The following DNAAF9 variants were observed in gnomAD, a reference collection of about 807,000 sequenced individuals.
DNAAF9 encodes the protein dynein axonemal assembly factor 9.
DNAAF9 carries 90 observed loss-of-function variants against 167.0 expected under a neutral mutation model. The observed-to-expected ratio is 0.54, with a 90% confidence interval of 0.45 to 0.64. DNAAF9 has a LOEUF of 0.64. Ranked by LOEUF, DNAAF9 falls within the 30% of genes least tolerant of loss-of-function variation. The pLI is 0.00. For missense variants in DNAAF9, 1,315 were observed against 1,442.2 expected, an observed-to-expected ratio of 0.91 and a Z score of 1.43; for synonymous variants, 491 against 508.8, an observed-to-expected ratio of 0.96 and a Z score of 0.47.
Position 3,343,845 on chromosome 20 carries a change from G to A in DNAAF9, c.790-114C>T, listed in dbSNP as rs913440627. The A allele has an allele frequency of 2.3e-3, 1,324 of 568,822 alleles. 8 individuals are homozygous for A. Among genetic ancestry groups the A allele is most frequent in the Non-Finnish European group, 3.3e-3 (1,112 of 332,984 alleles). The allele number at this position is 568,822 out of a possible 1,614,324, so 35.2% of individuals were successfully genotyped here. A position where few individuals can be genotyped will look rare whatever the true frequency, so the allele number is the denominator to read the frequency against. On this transcript the variant is annotated intron_variant, in intron 8 of 36. Transcript: ENST00000252032. ...TGCTTCAGGAGAGTGCACAGCGTGT[G>A]TGTGTGTGTGTGTGCGTGTGTGCAT... is the stretch of plus-strand genomic sequence containing the variant.
chr20:3,395,830 T>C (rs1164483233), intron 1 of DNAAF9, among the ~76,000 whole-genome samples: 4 of 152,192 alleles, frequency 2.6e-5, no homozygotes, highest in Non-Finnish European at 4.4e-5. Context: ...AGTTTTTGTT[T>C]CTATTTTGAA....
rs1399605871 is a variant in DNAAF9, at chr20:3,374,174, C to G, written c.506-20G>C. On this transcript the variant is annotated intron_variant, in intron 5 of 36. Transcript: ENST00000252032. ...AGTGACCTAGAAGAATCAAATACAA[C>G]AACACATATCAGATACCATCCTGAA... The G allele has an allele frequency of 6.8e-7, 1 of 1,471,262 alleles. No individual in the cohort carries two copies. Among genetic ancestry groups the G allele is most frequent in the South Asian group, 1.1e-5 (1 of 88,162 alleles). 91.1% of individuals were successfully genotyped at this position (1,471,262 alleles called of 1,614,324 possible). A position where few individuals can be genotyped will look rare whatever the true frequency, so the allele number is the denominator to read the frequency against.
At position 3,315,727 on chromosome 20, in the gene DNAAF9, C is replaced by T. The variant is rs780198521; in HGVS notation, c.1590+8G>A. 4 of 1,607,288 alleles carry T rather than the reference C, an allele frequency of 2.5e-6. No homozygotes were observed. The highest frequency in any genetic ancestry group is 1.7e-5 in the Admixed American group (1 of 60,020). ...AATGTTCACACTGAGAATAAGAAGG[C>T]TGCTTACCCTCACTGCTTGCTGGGT... On this transcript the variant is annotated splice_region_variant and intron_variant, in intron 19 of 36. Coordinates refer to ENST00000252032, the MANE Select transcript of DNAAF9 (RefSeq NM_001009984.3). This position sits in a 1 kb window ranked among gnomAD's most constrained non-coding sequence, Gnocchi z 4.1.
chr20:3,329,452 C>G (rs2069779869), intron 12 of DNAAF9, among the ~76,000 whole-genome samples: 1 of 152,226 alleles, frequency 6.6e-6, no homozygotes, highest in African/African-American at 2.4e-5. Flanking sequence ...CCACTGCGCT[C>G]AGTCCCAGAA....
At chr20:3,280,693 G>A (rs2068750787) in intron 28 of DNAAF9, among the ~76,000 whole-genome samples, 1 of 152,008 alleles carries the variant, frequency 6.6e-6, no homozygotes, top group Non-Finnish European at 1.5e-5. Flanking sequence ...ACAGCTCACT[G>A]CAGCCTCAAC....
In DNAAF9 at chr20:3,264,459, C is replaced by T. The variant is rs35481903; in HGVS notation, c.2852G>A (p.Arg951Gln). 7.9e-6 allele frequency: 12 copies of T among 1,520,382 alleles called. No homozygotes were observed. Among genetic ancestry groups the T allele is most frequent in the African/African-American group, 4.1e-5 (3 of 73,080 alleles). 94.2% of individuals were successfully genotyped at this position (1,520,382 alleles called of 1,614,324 possible). A position where few individuals can be genotyped will look rare whatever the true frequency, so the allele number is the denominator to read the frequency against. ...TTGCCAGCCAGGATACATTAAATATCGAGATCGTAGCATCTCAGGACTTGA... is the reference window on the plus strand; with the variant it reads ...TTGCCAGCCAGGATACATTAAATATTGAGATCGTAGCATCTCAGGACTTGA... ...SFSSPEMLRSRYLMYPGWYEG... is the reference protein window; with the variant it reads ...SFSSPEMLRSQYLMYPGWYEG... The change falls in exon 31 of 37, where the codon CGA becomes CAA. Residue 951 changes from arginine (R) to glutamine (Q), a missense_variant. Around this residue, in one of 2 missense-constraint regions of DNAAF9, gnomAD observed 334 missense variants for 429.7 expected, o/e 0.78. Coordinates refer to ENST00000252032, the MANE Select transcript of DNAAF9 (RefSeq NM_001009984.3).
intron 6 of DNAAF9, among the ~76,000 whole-genome samples, chr20:3,372,552 T>C (rs2123217481): frequency 6.6e-6 from 1 of 152,348 alleles, no homozygotes; most frequent in South Asian, 2.1e-4. Context: ...TCTTTTTGAA[T>C]GTGACTTCAT....
chr20:3,291,347 T>G (rs1469369474), intron 25 of DNAAF9, among the ~76,000 whole-genome samples: 2 of 147,188 alleles, frequency 1.4e-5, no homozygotes, highest in Non-Finnish European at 3.0e-5. Flanking sequence ...GTTTTTTTGT[T>G]TTTTTTTTTT....
rs1034972207 is a variant in DNAAF9 at position 3,348,562 on chromosome 20, G to A, written c.752C>T (p.Pro251Leu). The A allele has an allele frequency of 9.4e-6, 15 of 1,603,814 alleles. No homozygotes were observed. Among genetic ancestry groups the A allele is most frequent in the Non-Finnish European group, 1.3e-5 (15 of 1,173,782 alleles). The change falls in exon 8 of 37, where the codon CCT (proline) becomes CTT (leucine). Residue 251 changes from proline (P) to leucine (L), a missense_variant. Around this residue, in one of 2 missense-constraint regions of DNAAF9, gnomAD observed 981 missense variants for 1,012.5 expected, o/e 0.97. Transcript: ENST00000252032. ...SFFANFDTEI[P>L]FLLELSESQA... is the part of the protein sequence containing the mutation. Reference sequence around the variant, plus strand: ...AGATTCTGAAAGTTCTAGCAGGAAAGGAATTTCTGTGTCAAAATTAGCGAA... The same window carrying A: ...AGATTCTGAAAGTTCTAGCAGGAAAAGAATTTCTGTGTCAAAATTAGCGAA...
In DNAAF9 at chr20:3,294,397, G is replaced by A. The variant is rs1417367222; in HGVS notation, c.2120+131C>T. 3.8e-6 allele frequency: 3 copies of A among 795,368 alleles called. No homozygotes were observed. The Admixed American group carries it at 6.7e-5, about 18-fold the overall frequency. The allele number at this position is 795,368 out of a possible 1,614,324, so 49.3% of individuals were successfully genotyped here. On this transcript the variant is annotated intron_variant, in intron 24 of 36. Coordinates refer to ENST00000252032, the MANE Select transcript of DNAAF9 (RefSeq NM_001009984.3). The stretch of plus-strand genomic sequence containing the variant: ...TCTAGAGAATAAAATTGTGTACAGT[G>A]TGTTACTGCGACATTTTACAGTGAT...
chr20:3,310,389 G>GA (rs973030792), intron 20 of DNAAF9, among the ~76,000 whole-genome samples: 1 of 149,744 alleles, frequency 6.7e-6, no homozygotes, highest in Non-Finnish European at 1.5e-5. Context: ...AAGAAAGAAA[G>GA]AATTCCTAAA....
intron 20 of DNAAF9, chr20:3,306,946 T>C: frequency 1.0e-6 from 1 of 985,298 alleles, no homozygotes; most frequent in Non-Finnish European, 1.2e-6. Flanking sequence ...TGCTGCTGAG[T>C]GGTTAGTACC....
intron 3 of DNAAF9, among the ~76,000 whole-genome samples, chr20:3,376,835 C>T (rs1447808246): frequency 2.6e-5 from 4 of 152,096 alleles, no homozygotes; most frequent in Non-Finnish European, 5.9e-5. Flanking sequence ...GAGGCTGAGG[C>T]GGATGGATCA....
intron 1 of DNAAF9, among the ~76,000 whole-genome samples, chr20:3,383,932 G>A (rs1253438916): frequency 2.0e-5 from 3 of 151,764 alleles, no homozygotes; most frequent in Non-Finnish European, 2.9e-5. Context: ...CCAAGTAGCT[G>A]GGATTACAGA....
At chr20:3,355,571 CAA>C (rs147334042) in intron 7 of DNAAF9, among the ~76,000 whole-genome samples, 2 of 135,490 alleles carry the variant, frequency 1.5e-5, no homozygotes, top group Admixed American at 7.5e-5. Flanking sequence ...GACTGTGTTT[CAA>C]AAAAAAAAAA....
At chr20:3,320,716 C>G (rs1039398249) in intron 16 of DNAAF9, among the ~76,000 whole-genome samples, 2 of 152,152 alleles carry the variant, frequency 1.3e-5, no homozygotes, top group Non-Finnish European at 2.9e-5. Flanking sequence ...AAAAATTACC[C>G]TTGTTGTGCT....
At chr20:3,293,970 A>T (rs780741048) in intron 25 of DNAAF9, among the ~76,000 whole-genome samples, 169 bp downstream of exon 25, 1 of 145,938 alleles carries the variant, frequency 6.9e-6, no homozygotes, top group Non-Finnish European at 1.5e-5. Context: ...CAGTCATTGT[A>T]TACAGCAGGT....
intron 1 of DNAAF9, among the ~76,000 whole-genome samples, chr20:3,401,621 A>C (rs1318314470): frequency 6.6e-6 from 1 of 152,220 alleles, no homozygotes; most frequent in Non-Finnish European, 1.5e-5. Context: ...ATAAATAATT[A>C]CTGAAGCAGT....
intron 6 of DNAAF9, among the ~76,000 whole-genome samples, chr20:3,368,099 A>G (rs1187529339): frequency 6.9e-6 from 1 of 144,086 alleles, no homozygotes; most frequent in Non-Finnish European, 1.5e-5. Flanking sequence ...TAGTTACCAC[A>G]CACATGACTG....
Sources: allele counts gnomAD v4.1 joint callset (sites outside exome capture counted in the v4.1 genomes callset), GRCh38; gene constraint gnomAD v4.1.1; regional missense constraint gnomAD v4.1.1; non-coding constraint Gnocchi (gnomAD v3.1); transcripts MANE v1.5; gene names NCBI Gene and HGNC (gene_info 2026-07-23, HGNC 2026-07-21).